The following ELAVL4 variants were observed in gnomAD, a reference collection of about 807,000 sequenced individuals.
ELAVL4 encodes the protein ELAV like RNA binding protein 4.
In ELAVL4, 1 loss-of-function variant was observed where a neutral mutation model predicts 35.6. The ratio of observed to expected loss-of-function variants is 0.03; its 90% CI spans 0.01 to 0.13. The LOEUF is 0.13. ELAVL4 is among the 10% of genes least tolerant of loss of function. The probability of loss-of-function intolerance (pLI) is 1.00; values close to 1 mark genes in which losing one functional copy is unlikely to be tolerated. For synonymous variants in ELAVL4, 156 were observed against 171.0 expected, an observed-to-expected ratio of 0.91 and a Z score of 0.69; for missense variants, 267 against 464.9, an observed-to-expected ratio of 0.57 and a Z score of 3.91.
At chr1:50,116,731 AGG>A (rs574063248) in intron 1 of ELAVL4, among the ~76,000 whole-genome samples, 95 of 152,222 alleles carry the variant, frequency 6.2e-4, no homozygotes, top group Admixed American at 1.3e-3. Flanking sequence ...AGCTTTCCTT[AGG>A]AAAATGCTCA....
intron 2 of ELAVL4, among the ~76,000 whole-genome samples, chr1:50,150,653 A>T (rs1399627641): frequency 6.6e-6 from 1 of 152,104 alleles, no homozygotes; most frequent in Non-Finnish European, 1.5e-5. Flanking sequence ...GTTTTAATGT[A>T]CCTTATATAC....
chr1:50,074,393 A>G (rs1055269721), intron 1 of ELAVL4, among the ~76,000 whole-genome samples: 1 of 152,200 alleles, frequency 6.6e-6, no homozygotes, highest in African/African-American at 2.4e-5. Flanking sequence ...TACTACAATA[A>G]TAATGACAAT....
rs766622311 is a variant in ELAVL4, at chr1:50,096,504, C to CTTAAATAAA, written c.18+48323_18+48331dup. Among the ~76,000 whole-genome samples the CTTAAATAAA allele has an allele frequency of 1.1e-3, 171 of 150,856 alleles. 1 individual carries two copies. The highest frequency in any genetic ancestry group is 9.6e-4 in the Non-Finnish European group (65 of 67,802). On this transcript the variant is annotated intron_variant, in intron 1 of 6. Coordinates refer to the ELAVL4 transcript ENST00000448907. Reference sequence around the variant, plus strand: ...GGAATGTCTTGGAGGTATCAGGAAACTTAAATAAAGACAAAATTTTAAAGA... The same window carrying CTTAAATAAA: ...GGAATGTCTTGGAGGTATCAGGAAACTTAAATAAATTAAATAAAGACAAAATTTTAAAGA...
At chr1:50,113,587 G>A (rs1444097695) in intron 1 of ELAVL4, among the ~76,000 whole-genome samples, 3 of 152,016 alleles carry the variant, frequency 2.0e-5, no homozygotes, top group African/African-American at 7.2e-5. Flanking sequence ...ACACGAGTAT[G>A]CGCTGGCAAA....
At chr1:50,119,628 T>C (rs1462855452) in intron 1 of ELAVL4, among the ~76,000 whole-genome samples, 2 of 151,996 alleles carry the variant, frequency 1.3e-5, no homozygotes, top group Admixed American at 1.3e-4. Context: ...AGGTCTCCAG[T>C]CATTGAATTT....
At chr1:50,083,514 A>C (rs1053910787) in intron 1 of ELAVL4, among the ~76,000 whole-genome samples, 3 of 152,216 alleles carry the variant, frequency 2.0e-5, no homozygotes, top group African/African-American at 7.2e-5. Flanking sequence ...GTCTGACTTC[A>C]AAGCTCCTTC....
chr1:50,084,962 T>C (rs955533264), intron 1 of ELAVL4, among the ~76,000 whole-genome samples: 3 of 152,190 alleles, frequency 2.0e-5, no homozygotes, highest in African/African-American at 7.2e-5. Context: ...TGATGCTGCA[T>C]TGAACATTTT....
rs116335500 is a variant in ELAVL4, at chr1:50,073,598, T to A, written c.18+25416T>A. ...AATATGCATTAAAATTTATGAAAAA[T>A]GAATTAAGAAAAAACAACCCCTTAC... On this transcript the variant is annotated intron_variant, in intron 1 of 6. Transcript: ENST00000448907. 2.1e-3 allele frequency among the ~76,000 whole-genome samples: 314 copies of A among 151,862 alleles called. 4 individuals carry two copies. Among genetic ancestry groups the A allele is most frequent in the African/African-American group, 7.1e-3 (293 of 41,414 alleles).
intron 1 of ELAVL4, among the ~76,000 whole-genome samples, chr1:50,055,360 C>A (rs896054291): frequency 6.6e-6 from 1 of 151,958 alleles, no homozygotes; most frequent in South Asian, 2.1e-4. Context: ...AGTGCAGTGC[C>A]GCGATCTTGG....
chr1:50,103,896 A>G, upstream of ELAVL4: 1 of 1,609,854 alleles, frequency 6.2e-7, no homozygotes, highest in Admixed American at 1.7e-5. Context: ...GACTGGTGTG[A>G]AGAGAGAGGC....
chr1:50,130,144 T>C (rs1670616832), intron 1 of ELAVL4, among the ~76,000 whole-genome samples: 1 of 152,164 alleles, frequency 6.6e-6, no homozygotes, highest in Non-Finnish European at 1.5e-5. Context: ...CACCCATTTA[T>C]TGGGCAGTAT....
intron 2 of ELAVL4, among the ~76,000 whole-genome samples, chr1:50,159,571 T>C (rs1038284070): frequency 4.0e-5 from 6 of 151,788 alleles, no homozygotes; most frequent in African/African-American, 1.5e-4. Context: ...ATCACACCAC[T>C]GCACTCCAGC....
At chr1:50,159,236 G>T (rs1367116871) in intron 2 of ELAVL4, among the ~76,000 whole-genome samples, 1 of 152,106 alleles carries the variant, frequency 6.6e-6, no homozygotes, top group Non-Finnish European at 1.5e-5. Context: ...CTTTTCCAAA[G>T]GCGCTTAATT....
chr1:50,191,984 T>C (rs2148874825), intron 3 of ELAVL4, among the ~76,000 whole-genome samples: 1 of 152,340 alleles, frequency 6.6e-6, no homozygotes, highest in African/African-American at 2.4e-5. Flanking sequence ...GTTCTGCTAT[T>C]GACACACTTT....
At chr1:50,125,300 G>A (rs556060612) in intron 1 of ELAVL4, among the ~76,000 whole-genome samples, 2 of 152,058 alleles carry the variant, frequency 1.3e-5, no homozygotes, top group East Asian at 3.9e-4. Context: ...ATTTCACATA[G>A]TGAAATGATG....
chr1:50,053,555 G>C (rs921453589), intron 1 of ELAVL4, among the ~76,000 whole-genome samples: 3 of 152,054 alleles, frequency 2.0e-5, no homozygotes, highest in Non-Finnish European at 4.4e-5. Flanking sequence ...TCTCTATGTT[G>C]CCCAGGCTAT....
intron 3 of ELAVL4, among the ~76,000 whole-genome samples, chr1:50,193,535 C>CTGTGCATT (rs1183860513): frequency 1.3e-5 from 2 of 152,132 alleles, no homozygotes; most frequent in African/African-American, 2.4e-5. Context: ...AGACCCTTAT[C>CTGTGCATT]TGTGCATTTG....
intron 3 of ELAVL4, among the ~76,000 whole-genome samples, chr1:50,191,810 G>T (rs970628737): frequency 6.6e-6 from 1 of 152,166 alleles, no homozygotes; most frequent in Non-Finnish European, 1.5e-5. Context: ...ATGAGCAAAG[G>T]TATAAAGGTG....
intron 1 of ELAVL4, among the ~76,000 whole-genome samples, chr1:50,125,777 G>A (rs560779631): frequency 1.3e-5 from 2 of 152,172 alleles, no homozygotes; most frequent in African/African-American, 2.4e-5. Context: ...GAACCTAGAA[G>A]GTGAGTTAGC....
Sources: allele counts gnomAD v4.1 joint callset (sites outside exome capture counted in the v4.1 genomes callset), GRCh38; gene constraint gnomAD v4.1.1; transcripts MANE v1.5; gene names NCBI Gene and HGNC (gene_info 2026-07-23, HGNC 2026-07-21).